Variants in MAK observed in about 807,000 individuals in gnomAD.
The protein encoded by MAK is serine/threonine-protein kinase MAK.
MAK carries 65 observed loss-of-function variants against 82.6 expected under a neutral mutation model. The observed-to-expected ratio is 0.79, with a 90% CI of 0.64 to 0.97. The LOEUF is 0.97. MAK is among the 50% of genes least tolerant of loss of function. MAK has a pLI of 0.00. For missense variants in MAK, 703 were observed against 780.2 expected, an observed-to-expected ratio of 0.90 and a Z score of 1.18; for synonymous variants, 250 against 274.2, an observed-to-expected ratio of 0.91 and a Z score of 0.87.
intron 9 of MAK, among the ~76,000 whole-genome samples, chr6:10,794,265 G>A (rs1181267301): frequency 2.0e-5 from 3 of 152,172 alleles, no homozygotes; most frequent in Non-Finnish European, 4.4e-5. Context: ...TACAAGTCAT[G>A]TGGGCAATTA....
At chr6:10,775,922 G>A (rs563824059) in intron 11 of MAK, among the ~76,000 whole-genome samples, 1 of 152,174 alleles carries the variant, frequency 6.6e-6, no homozygotes, top group South Asian at 2.1e-4. Context: ...CCGAGTAGCT[G>A]GGATTACAGG....
At chr6:10,765,985 G>A (rs375151604) in intron 14 of MAK, among the ~76,000 whole-genome samples, 3 of 152,204 alleles carry the variant, frequency 2.0e-5, no homozygotes, top group South Asian at 2.1e-4. Context: ...AAAGGACAAA[G>A]CAGGAGATCA....
At chr6:10,773,728 G>C (rs1773214449) in intron 12 of MAK, among the ~76,000 whole-genome samples, 1 of 136,388 alleles carries the variant, frequency 7.3e-6, no homozygotes, top group African/African-American at 2.8e-5. Flanking sequence ...ATCTCGCTCT[G>C]TCGCCCAGGC....
At chr6:10,805,571 GAAAAA>G (rs540676488) in intron 6 of MAK, among the ~76,000 whole-genome samples, 2 of 126,602 alleles carry the variant, frequency 1.6e-5, no homozygotes, top group African/African-American at 2.8e-5. Flanking sequence ...TGGGTGACAG[GAAAAA>G]AAAAAAAAAA....
At position 10,799,188 on chromosome 6, in the gene MAK, C is replaced by A. The variant is rs953480423; in HGVS notation, c.831+2704G>T. 3.9e-5 allele frequency among the ~76,000 whole-genome samples: 6 copies of A among 152,158 alleles called. No individual in the cohort carries two copies. The East Asian group carries it at 7.7e-4, about 20-fold the overall frequency. ...ACAGTTTTCTATTGGAATTGAACAT[C>A]TTTGAGCATAATTTCTGATTGTCTT... On this transcript the variant is annotated intron_variant, in intron 8 of 14. Transcript: ENST00000354489.
chr6:10,815,912 G>GTACATATATATATA (rs1554184484), intron 4 of MAK, among the ~76,000 whole-genome samples: 115 of 108,326 alleles, frequency 1.1e-3, no homozygotes, highest in Admixed American at 5.9e-3. Context: ...GCTTTATACA[G>GTACATATATATATA]TATATATATA....
intron 8 of MAK, 54 bp from the exon 9 acceptor site, chr6:10,796,363 T>A (rs1011315414): frequency 1.4e-6 from 2 of 1,440,754 alleles, no homozygotes. Context: ...CTAAATGTAT[T>A]GCACATAAAC....
At chr6:10,791,574 C>T in intron 10 of MAK, 101 bp downstream of exon 10, 1 of 1,170,234 alleles carries the variant, frequency 8.5e-7, no homozygotes, top group Non-Finnish European at 1.2e-6. Flanking sequence ...GCCTGTTAAG[C>T]AAACTTTTCT....
rs1262722994 is a variant in MAK at position 10,776,199 on chromosome 6, G to A, written c.1466-740C>T. On this transcript the variant is annotated intron_variant, in intron 11 of 14. Transcript: ENST00000354489. The surrounding 1 kb of genome is among the most constrained non-coding windows in gnomAD (Gnocchi z 4.3). ...GAACTCAGGAAAACCTTTGAAGTTC[G>A]GAGGTATGAAGCTCCACCTGAAACG... Among the ~76,000 whole-genome samples the A allele has an allele frequency of 2.0e-5, 3 of 152,152 alleles. No individual in the cohort carries two copies. Among genetic ancestry groups the A allele is most frequent in the African/African-American group, 7.2e-5 (3 of 41,424 alleles).
chr6:10,803,405 C>T (rs1013694538), intron 7 of MAK, among the ~76,000 whole-genome samples: 2 of 151,760 alleles, frequency 1.3e-5, no homozygotes, highest in African/African-American at 2.4e-5. Context: ...ATTGACCAGG[C>T]GTGGTGGTGC....
chr6:10,835,461 C>T (rs993011970), intron 1 of MAK, among the ~76,000 whole-genome samples: 5 of 152,152 alleles, frequency 3.3e-5, no homozygotes, highest in Admixed American at 1.3e-4. Flanking sequence ...GGTTTTACCA[C>T]GTTGGCCAGG....
intron 2 of MAK, among the ~76,000 whole-genome samples, chr6:10,820,783 A>G (rs940546605): frequency 6.6e-6 from 1 of 152,244 alleles, no homozygotes; most frequent in African/African-American, 2.4e-5. Context: ...TTTCAGTGCC[A>G]TAGATTTATA....
At chr6:10,837,467 T>C (rs754545457) in intron 1 of MAK, among the ~76,000 whole-genome samples, 2 of 152,124 alleles carry the variant, frequency 1.3e-5, no homozygotes, top group Non-Finnish European at 1.5e-5. Context: ...TGGGGGAACT[T>C]TCTCCCTCCC....
rs1470927787 is a variant in MAK at position 10,764,617 on chromosome 6, T to A, written c.1793-11A>T. On this transcript the variant is annotated splice_polypyrimidine_tract_variant and intron_variant, in intron 14 of 14. Coordinates refer to ENST00000354489, the MANE Select transcript of MAK (RefSeq NM_001242957.3). ...TGTTCCAGGTATATTCTGAAAGAAA[T>A]CAGATTTGGAAAACAGGGTTTTACT... The A allele has an allele frequency of 3.7e-6, 6 of 1,613,380 alleles. No homozygotes were observed. Among genetic ancestry groups the A allele is most frequent in the Non-Finnish European group, 5.1e-6 (6 of 1,179,574 alleles).
rs769213821 is a variant in MAK, at chr6:10,803,853, T to G, written c.530A>C (p.Tyr177Ser). Residue 177 changes from tyrosine (Y) to serine (S), a missense_variant, in exon 7 of 15, where the codon TAT becomes TCT. Transcript: ENST00000354489. Reference sequence around the variant, plus strand: ...AGCCCACACATCAATGGGAGAACTATAAACTGAAGATCTCAGTAAAACTTC... The same window carrying G: ...AGCCCACACATCAATGGGAGAACTAGAAACTGAAGATCTCAGTAAAACTTC... ...APEVLLRSSV[Y>S]SSPIDVWAVG... 4.3e-6 allele frequency: 7 copies of G among 1,613,958 alleles called. No homozygotes were observed. The African/African-American group carries it at 9.3e-5, about 22-fold the overall frequency.
chr6:10,819,590 C>T (rs1777771033), intron 2 of MAK, among the ~76,000 whole-genome samples: 1 of 152,078 alleles, frequency 6.6e-6, no homozygotes, highest in Admixed American at 6.6e-5. Flanking sequence ...CAAGATTGCG[C>T]CACTGCACTC....
At chr6:10,807,910 A>C (rs143669026) in intron 6 of MAK, among the ~76,000 whole-genome samples, 2,293 of 152,126 alleles carry the variant, frequency 0.015, 59 homozygotes, top group African/African-American at 0.053. Context: ...TCTACTAAAA[A>C]TACAAAAATT....
At chr6:10,814,687 A>G (rs1185006066) in intron 4 of MAK, among the ~76,000 whole-genome samples, 3 of 151,214 alleles carry the variant, frequency 2.0e-5, no homozygotes, top group African/African-American at 7.3e-5. Context: ...AGCGGGGGGG[A>G]AATAAATTTA....
chr6:10,818,853 C>T (rs777265547), intron 3 of MAK, 33 bp downstream of exon 3: 1 of 1,278,910 alleles, frequency 7.8e-7, no homozygotes, highest in South Asian at 1.2e-5. Flanking sequence ...GTGTTAAGGC[C>T]TTCTCAGGTT....
Sources: gnomAD v4.1 joint callset for allele counts (sites outside exome capture counted in the v4.1 genomes callset) on GRCh38, gnomAD v4.1.1 for gene constraint, Gnocchi (gnomAD v3.1) non-coding constraint, MANE v1.5 for transcripts, NCBI Gene and HGNC (gene_info 2026-07-23, HGNC 2026-07-21) for gene names.